BEND5: variants seen among roughly 807,000 people sequenced by gnomAD.
The protein encoded by BEND5 is BEN domain containing 5, also known as BEN domain-containing protein 5.
BEND5 carries 22 observed loss-of-function variants against 43.9 expected under a neutral mutation model. The observed-to-expected ratio is 0.50, with a 90% CI of 0.36 to 0.72. BEND5 has a LOEUF of 0.72. BEND5 is among the 30% of genes least tolerant of loss of function. The pLI is 0.00. For missense variants in BEND5, 428 were observed against 550.6 expected, an observed-to-expected ratio of 0.78 and a Z score of 2.23; for synonymous variants, 228 against 225.9, an observed-to-expected ratio of 1.01 and a Z score of -0.08.
chr1:48,741,590 A>G (rs970722639), intron 4 of BEND5, among the ~76,000 whole-genome samples: 1 of 152,210 alleles, frequency 6.6e-6, no homozygotes, highest in Non-Finnish European at 1.5e-5. Flanking sequence ...AGTCCTGAAA[A>G]CTAATACGTT....
intron 4 of BEND5, among the ~76,000 whole-genome samples, chr1:48,737,112 T>C (rs1469776427): frequency 6.6e-6 from 1 of 151,804 alleles, no homozygotes; most frequent in African/African-American, 2.4e-5. Context: ...TAAAACTCCA[T>C]CTCTACTAAA....
At chr1:48,745,674 T>A (rs911793168) in intron 3 of BEND5, among the ~76,000 whole-genome samples, 1 of 152,192 alleles carries the variant, frequency 6.6e-6, no homozygotes, top group African/African-American at 2.4e-5. Context: ...CTGACTCAAA[T>A]GCCATCTCTC....
rs996357621 is a variant in BEND5 at position 48,742,714 on chromosome 1, A to G, written c.803T>C (p.Leu268Ser). The G allele has an allele frequency of 6.2e-7, 1 of 1,611,112 alleles. No individual in the cohort carries two copies. Among genetic ancestry groups the G allele is most frequent in the Non-Finnish European group, 8.5e-7 (1 of 1,178,584 alleles). Residue 268 changes from leucine (L) to serine (S), a missense_variant, in exon 4 of 6, where the codon TTA becomes TCA. Coordinates refer to ENST00000371833, the MANE Select transcript of BEND5 (RefSeq NM_024603.4). ...KSECLEPEPE[L>S]RSTFSEEANT... ...TGCTTCCTCACTGAAAGTGCTCCGT[A>G]ACTCCGGCTCGGGCTCGAGACATTC...
chr1:48,747,125 CAT>C (rs1406141894), intron 3 of BEND5, among the ~76,000 whole-genome samples: 5 of 152,218 alleles, frequency 3.3e-5, no homozygotes, highest in African/African-American at 7.2e-5. Flanking sequence ...CCCTCAAACA[CAT>C]GTGACCAAAT....
At chr1:48,734,687 C>T (rs531954291) in intron 5 of BEND5, among the ~76,000 whole-genome samples, 22 of 152,328 alleles carry the variant, frequency 1.4e-4, no homozygotes, top group Admixed American at 7.2e-4. Context: ...TATAAAGATG[C>T]TTCTTCCACA....
intron 5 of BEND5, among the ~76,000 whole-genome samples, chr1:48,732,795 T>C (rs1220043664): frequency 4.0e-5 from 6 of 151,728 alleles, no homozygotes; most frequent in African/African-American, 1.5e-4. Context: ...ATGGGAACAA[T>C]AGGAAGTGAG....
At chr1:48,754,525 G>A (rs1256106504) in intron 3 of BEND5, among the ~76,000 whole-genome samples, 1 of 152,118 alleles carries the variant, frequency 6.6e-6, no homozygotes, top group Non-Finnish European at 1.5e-5. Context: ...ATGTCACCAT[G>A]CTTTTTGCAT....
Position 48,761,391 on chromosome 1 carries a change from T to G in BEND5, c.306A>C (p.Glu102Asp). 6.4e-7 allele frequency: 1 copy of G among 1,551,924 alleles called. No individual in the cohort carries two copies. The highest frequency in any genetic ancestry group is 2.4e-5 in the East Asian group (1 of 40,922). Residue 102 changes from glutamate to aspartate, a missense_variant, in exon 2 of 6, where the codon GAA (glutamate) becomes GAC (aspartate). Around this residue, in one of 4 missense-constraint regions of BEND5, gnomAD observed 243 missense variants for 286.4 expected, o/e 0.85. Coordinates refer to ENST00000371833, the MANE Select transcript of BEND5 (RefSeq NM_024603.4). Reference sequence around the variant, plus strand: ...CCCCATAATCTTTAACCTCTCCATCTTCTTCTACATGATTAAGAGAAAGCT... The same window carrying G: ...CCCCATAATCTTTAACCTCTCCATCGTCTTCTACATGATTAAGAGAAAGCT... ...IPKLSLNHVEEDGEVKDYGEE... is the reference protein window; with the variant it reads ...IPKLSLNHVEDDGEVKDYGEE...
intron 3 of BEND5, among the ~76,000 whole-genome samples, chr1:48,748,842 CCTCT>C (rs1025799613): frequency 4.0e-5 from 6 of 151,894 alleles, no homozygotes; most frequent in African/African-American, 1.5e-4. Flanking sequence ...TTCTTCAGGT[CCTCT>C]CTCTCTCCAT....
chr1:48,764,372 T>C (rs1246616501), intron 1 of BEND5, among the ~76,000 whole-genome samples: 2 of 152,216 alleles, frequency 1.3e-5, no homozygotes, highest in African/African-American at 2.4e-5. Flanking sequence ...TGTTAAAAAC[T>C]TGAGCAGAGT....
intron 3 of BEND5, among the ~76,000 whole-genome samples, chr1:48,754,759 T>C (rs4926531): frequency 0.77 from 117,013 of 152,058 alleles, 46,681 homozygotes; most frequent in Non-Finnish European, 0.89. Context: ...AGGAAAGTTC[T>C]GTTTTACAGA....
chr1:48,740,335 T>A (rs1200748989), intron 4 of BEND5, among the ~76,000 whole-genome samples: 5 of 152,188 alleles, frequency 3.3e-5, no homozygotes, highest in Non-Finnish European at 5.9e-5. Flanking sequence ...TGGCTTTCAG[T>A]TCCTGCCTGC....
intron 1 of BEND5, among the ~76,000 whole-genome samples, chr1:48,769,786 T>C (rs559233223): frequency 1.4e-4 from 21 of 152,304 alleles, no homozygotes; most frequent in Admixed American, 1.2e-3. Context: ...CAGTGGGCAA[T>C]TACTATCTCC....
At chr1:48,747,431 C>T (rs1337446105) in intron 3 of BEND5, among the ~76,000 whole-genome samples, 1 of 152,118 alleles carries the variant, frequency 6.6e-6, no homozygotes, top group Non-Finnish European at 1.5e-5. Flanking sequence ...ATCACACAAC[C>T]CCTGACTGCA....
chr1:48,750,607 G>A (rs1182790952), intron 3 of BEND5, among the ~76,000 whole-genome samples: 3 of 152,184 alleles, frequency 2.0e-5, no homozygotes, highest in Non-Finnish European at 2.9e-5. Flanking sequence ...GTGGCAAGGG[G>A]GGCTTAACAA....
chr1:48,727,871 T>G lies in BEND5; in HGVS notation c.*15A>C, dbSNP rs370421315. The G allele has an allele frequency of 2.5e-6, 4 of 1,598,282 alleles. No homozygotes were observed. The highest frequency in any genetic ancestry group is 3.4e-6 in the Non-Finnish European group (4 of 1,168,170). Reference sequence around the variant, plus strand: ...ACACAAGGAAAACACGAAAGCTTTATGAAAAATCCAAAGTTTATTGCAAAT... The same window carrying G: ...ACACAAGGAAAACACGAAAGCTTTAGGAAAAATCCAAAGTTTATTGCAAAT... On this transcript the variant is annotated 3_prime_UTR_variant, in exon 6 of 6. Coordinates refer to ENST00000371833, the MANE Select transcript of BEND5 (RefSeq NM_024603.4).
At chr1:48,755,684 A>G (rs12096331) in intron 3 of BEND5, among the ~76,000 whole-genome samples, 28,375 of 152,034 alleles carry the variant, frequency 0.19, 3,335 homozygotes, top group East Asian at 0.47. Context: ...CAGCAAGGGG[A>G]TATCTTACCA....
intron 4 of BEND5, 110 bp downstream of exon 4, chr1:48,742,513 C>T: frequency 8.5e-7 from 1 of 1,181,382 alleles, no homozygotes; most frequent in African/African-American, 1.6e-5. Flanking sequence ...AGGGCTAGGC[C>T]AGGAGGCCAA....
intron 4 of BEND5, among the ~76,000 whole-genome samples, chr1:48,737,594 T>C (rs1255167742): frequency 1.3e-5 from 2 of 152,220 alleles, no homozygotes; most frequent in East Asian, 3.9e-4. Flanking sequence ...CCCAGTTTGA[T>C]TCCGACGGCA....
Sources: allele counts gnomAD v4.1 joint callset (sites outside exome capture counted in the v4.1 genomes callset), GRCh38; gene constraint gnomAD v4.1.1; regional missense constraint gnomAD v4.1.1; transcripts MANE v1.5; gene names NCBI Gene and HGNC (gene_info 2026-07-23, HGNC 2026-07-21).